Variants in HBS1L observed in about 807,000 individuals in gnomAD.
The protein encoded by HBS1L is HBS1-like protein.
In HBS1L, 55 loss-of-function variants were observed where a neutral mutation model predicts 88.9. The observed-to-expected ratio is 0.62, with a 90% CI of 0.50 to 0.77. HBS1L has a LOEUF of 0.77. Among genes scored for constraint, HBS1L ranks in the 30% least tolerant of loss-of-function variants. The probability of loss-of-function intolerance (pLI) is 0.00; values close to 1 mark genes in which losing one functional copy is unlikely to be tolerated. For synonymous variants in HBS1L, 267 were observed against 288.5 expected (o/e 0.93, Z 0.76); for missense variants, 741 against 829.3 (o/e 0.89, Z 1.31).
At chr6:135,051,109 C>T (rs2114931432) in intron 1 of HBS1L, among the ~76,000 whole-genome samples, 3 of 152,100 alleles carry the variant, frequency 2.0e-5, no homozygotes. Context: ...ACCTGTAATC[C>T]CAGCTACTCT....
intron 4 of HBS1L, among the ~76,000 whole-genome samples, chr6:135,025,272 G>C (rs568183586): frequency 1.3e-5 from 2 of 152,164 alleles, no homozygotes; most frequent in African/African-American, 4.8e-5. Context: ...CAGAAATGTG[G>C]ATCAAACTGA....
At chr6:134,979,102 G>A (rs539068782) in intron 14 of HBS1L, 76 bp downstream of exon 14, 147 of 995,992 alleles carry the variant, frequency 1.5e-4, no homozygotes, top group Non-Finnish European at 1.7e-4. Flanking sequence ...TGAACTAGCA[G>A]GTTGCAAAAT....
At chr6:135,048,451 C>T (rs1281207255) in intron 2 of HBS1L, among the ~76,000 whole-genome samples, 1 of 152,188 alleles carries the variant, frequency 6.6e-6, no homozygotes, top group African/African-American at 2.4e-5. Context: ...ATCAGCCATG[C>T]AGTGCCTCCC....
At position 135,037,752 on chromosome 6, in the gene HBS1L, G is replaced by A. The variant is rs1216188485; in HGVS notation, c.430+1821C>T. The A allele has an allele frequency of 7.1e-6, 11 of 1,550,738 alleles. No homozygotes were observed. In the Admixed American group the frequency reaches 2.2e-4, roughly 30 times the overall value. On this transcript the variant is annotated intron_variant, in intron 4 of 17. Coordinates refer to ENST00000367837, the MANE Select transcript of HBS1L (RefSeq NM_006620.4). ...ATCTGACTGATGGCTGACTTTCACA[G>A]GAATCTCTTGACATATCATGAATTA...
At chr6:134,979,482 C>A in intron 13 of HBS1L, 1 of 464,754 alleles carries the variant, frequency 2.2e-6, no homozygotes, top group Non-Finnish European at 3.9e-6. Flanking sequence ...CATAAAGTGA[C>A]TTGTATTTGC....
intron 4 of HBS1L, among the ~76,000 whole-genome samples, chr6:135,006,225 G>T (rs1305213112): frequency 6.7e-6 from 1 of 150,076 alleles, no homozygotes; most frequent in Non-Finnish European, 1.5e-5. Context: ...AAATAACAAA[G>T]GAAGAGTCCT....
At chr6:135,030,933 A>T (rs1322919534) in intron 4 of HBS1L, among the ~76,000 whole-genome samples, 1 of 152,092 alleles carries the variant, frequency 6.6e-6, no homozygotes, top group Non-Finnish European at 1.5e-5. Flanking sequence ...TCCAACATGC[A>T]ATTTCACAGA....
chr6:135,025,226 C>T (rs1341875118), intron 4 of HBS1L, among the ~76,000 whole-genome samples: 5 of 152,138 alleles, frequency 3.3e-5, no homozygotes, highest in Non-Finnish European at 7.4e-5. Flanking sequence ...ACAGTCATAA[C>T]ACCAAAGCAC....
chr6:135,003,524 G>T (rs990699219), intron 4 of HBS1L, among the ~76,000 whole-genome samples: 1 of 145,608 alleles, frequency 6.9e-6, no homozygotes, highest in South Asian at 2.2e-4. Flanking sequence ...CTATGATAAC[G>T]CCACTGCACT....
At chr6:135,028,609 C>T (rs1021282865) in intron 4 of HBS1L, among the ~76,000 whole-genome samples, 4 of 152,070 alleles carry the variant, frequency 2.6e-5, no homozygotes, top group South Asian at 2.1e-4. Flanking sequence ...CACATACACA[C>T]GAATGCAAGT....
chr6:135,048,168 A>G (rs1026824745), intron 2 of HBS1L, among the ~76,000 whole-genome samples: 4 of 152,222 alleles, frequency 2.6e-5, no homozygotes, highest in African/African-American at 9.6e-5. Flanking sequence ...AAGCCAGAGA[A>G]GGCAGGCACA....
chr6:134,974,424 C>A (rs1774583570), intron 15 of HBS1L, among the ~76,000 whole-genome samples: 1 of 152,000 alleles, frequency 6.6e-6, no homozygotes, highest in East Asian at 1.9e-4. Flanking sequence ...GTATCATCAC[C>A]CTGATAACAA....
intron 8 of HBS1L, among the ~76,000 whole-genome samples, chr6:134,989,705 C>T (rs761179080): frequency 6.6e-6 from 1 of 152,186 alleles, no homozygotes; most frequent in Non-Finnish European, 1.5e-5. Flanking sequence ...TCCTTTTACT[C>T]GTACCTAAAT....
intron 4 of HBS1L, chr6:135,037,235 G>C (rs759228421): frequency 2.4e-5 from 38 of 1,551,820 alleles, no homozygotes; most frequent in African/African-American, 4.1e-5. Flanking sequence ...CCCAAACTTA[G>C]ATCTGTGAAA....
At chr6:135,014,310 A>C (rs1383893806) in intron 4 of HBS1L, among the ~76,000 whole-genome samples, 1 of 152,154 alleles carries the variant, frequency 6.6e-6, no homozygotes, top group Non-Finnish European at 1.5e-5. Context: ...GTCACCAAAA[A>C]TTTTATTTTA....
chr6:135,005,933 A>T (rs528627249), intron 4 of HBS1L, among the ~76,000 whole-genome samples: 2 of 152,356 alleles, frequency 1.3e-5, no homozygotes, highest in Admixed American at 1.3e-4. Flanking sequence ...GGTTTTCAGT[A>T]ACTGCTGCGC....
intron 15 of HBS1L, among the ~76,000 whole-genome samples, chr6:134,971,024 A>G (rs1436834078): frequency 6.6e-6 from 1 of 152,066 alleles, no homozygotes. Context: ...TAGTTTGCAC[A>G]TTCAGAAAAC....
chr6:134,985,276 A>C, intron 12 of HBS1L, 65 bp downstream of exon 12: 1 of 985,064 alleles, frequency 1.0e-6, no homozygotes, highest in Non-Finnish European at 1.5e-6. Context: ...AGTCCAGGAA[A>C]GGAGGTTAGG....
intron 4 of HBS1L, among the ~76,000 whole-genome samples, chr6:135,016,298 A>G (rs1775919787): frequency 6.6e-6 from 1 of 152,248 alleles, no homozygotes; most frequent in Non-Finnish European, 1.5e-5. Flanking sequence ...GTTAAAACCA[A>G]TTATTCTGAT....
Sources: allele counts gnomAD v4.1 joint callset (sites outside exome capture counted in the v4.1 genomes callset), GRCh38; gene constraint gnomAD v4.1.1; transcripts MANE v1.5; gene names NCBI Gene and HGNC (gene_info 2026-07-23, HGNC 2026-07-21).